RERE: variants seen among roughly 807,000 people sequenced by gnomAD.
The protein encoded by RERE is arginine-glutamic acid dipeptide repeats protein.
RERE carries 40 observed loss-of-function variants against 146.1 expected under a neutral mutation model. That is an observed-to-expected ratio of 0.27 (90% confidence interval 0.21 to 0.36). The LOEUF (loss-of-function observed/expected upper bound fraction) is 0.36. RERE is among the 10% of genes least tolerant of loss of function. RERE has a pLI of 1.00. For synonymous variants in RERE, 1,003 were observed against 866.0 expected (o/e 1.16, Z -2.78); for missense variants, 1,933 against 2,138.7 (o/e 0.90, Z 1.90).
At chr1:8,438,800 T>C (rs564256554) in intron 11 of RERE, among the ~76,000 whole-genome samples, 119 of 152,260 alleles carry the variant, frequency 7.8e-4, no homozygotes, top group Non-Finnish European at 1.2e-3. Flanking sequence ...AAAAAGGTAA[T>C]AATCCAACTA....
chr1:8,738,720 A>G (rs1640251408), intron 1 of RERE, among the ~76,000 whole-genome samples: 1 of 152,164 alleles, frequency 6.6e-6, no homozygotes, highest in Admixed American at 6.5e-5. Flanking sequence ...CACAAAAACC[A>G]TATGAATAAT....
intron 1 of RERE, among the ~76,000 whole-genome samples, chr1:8,739,209 T>C (rs1332305141): frequency 1.3e-5 from 2 of 152,134 alleles, no homozygotes; most frequent in South Asian, 2.1e-4. Flanking sequence ...TAACACAACA[T>C]ATAATTGCCA....
chr1:8,356,170 A>C lies in RERE; in HGVS notation c.4416T>G (p.Pro1472=). 2 of 1,521,638 alleles carry C rather than the reference A, an allele frequency of 1.3e-6. No homozygotes were observed. The highest frequency in any genetic ancestry group is 1.7e-6 in the Non-Finnish European group (2 of 1,144,606). 94.3% of individuals were successfully genotyped at this position (1,521,638 alleles called of 1,614,324 possible). The change falls in exon 21 of 23, where the codon CCT becomes CCG. Residue 1472 remains proline (P), a synonymous_variant. Transcript: ENST00000400908. The surrounding 1 kb of genome is among the most constrained non-coding windows in gnomAD (Gnocchi z 5.2). ...GPHLARFPYP[P]GTLPNPLLGQ... ...CAAGCAGAGGGTTGGGGAGAGTGCC[A>C]GGCGGGTAGGGGAAGCGAGCCAGGT...
At chr1:8,378,270 TCAGGC>T (rs1287542813) in intron 12 of RERE, among the ~76,000 whole-genome samples, 3 of 152,210 alleles carry the variant, frequency 2.0e-5, no homozygotes, top group Non-Finnish European at 4.4e-5. Context: ...TTAGAAAAAT[TCAGGC>T]AAGCCTGCAA....
intron 12 of RERE, among the ~76,000 whole-genome samples, chr1:8,371,971 G>C (rs889406420): frequency 1.3e-5 from 2 of 152,180 alleles, no homozygotes; most frequent in Non-Finnish European, 2.9e-5. Context: ...TTACCTGTGC[G>C]CATTTGGTAA....
chr1:8,597,523 A>G (rs1646569493), intron 4 of RERE, among the ~76,000 whole-genome samples: 1 of 152,232 alleles, frequency 6.6e-6, no homozygotes, highest in Non-Finnish European at 1.5e-5. Context: ...GGATTGGAAA[A>G]CAGAATGAAA....
At chr1:8,355,373 C>T (rs1248281772) in intron 22 of RERE, 46 bp downstream of exon 22, 14 of 1,594,340 alleles carry the variant, frequency 8.8e-6, no homozygotes, top group Non-Finnish European at 1.2e-5. Context: ...GGTTGGGAGC[C>T]TGGGCTCAGA....
intron 8 of RERE, among the ~76,000 whole-genome samples, chr1:8,505,913 G>A (rs998326968): frequency 6.6e-6 from 1 of 152,114 alleles, no homozygotes; most frequent in Non-Finnish European, 1.5e-5. Flanking sequence ...TGAAAATGAA[G>A]CACACAGAAT....
At chr1:8,808,759 A>G (rs138302244) in intron 1 of RERE, among the ~76,000 whole-genome samples, 1 of 152,306 alleles carries the variant, frequency 6.6e-6, no homozygotes, top group Non-Finnish European at 1.5e-5. Flanking sequence ...AAAGATATTC[A>G]AGGAGGCAAA....
At chr1:8,442,740 G>A (rs891716708) in intron 11 of RERE, among the ~76,000 whole-genome samples, 10 of 152,204 alleles carry the variant, frequency 6.6e-5, no homozygotes, top group African/African-American at 2.4e-4. Context: ...AGAGTTTGCA[G>A]GGCTCAGAAG....
rs6689883 is a variant in RERE at position 8,726,591 on chromosome 1, C to T, written c.-144-70150G>A. ...TCCAAAACTCACATTTCTACCAAAC[C>T]GGGACACCGTGTGGTGGGGAAAGAG... On this transcript the variant is annotated intron_variant, in intron 1 of 22. Coordinates refer to ENST00000400908, the MANE Select transcript of RERE (RefSeq NM_001042681.2). 2.6e-3 allele frequency among the ~76,000 whole-genome samples: 396 copies of T among 152,266 alleles called. 2 individuals carry two copies. Among genetic ancestry groups the T allele is most frequent in the African/African-American group, 9.0e-3 (374 of 41,534 alleles).
chr1:8,429,134 C>G (rs991078787), intron 11 of RERE, among the ~76,000 whole-genome samples: 7 of 152,236 alleles, frequency 4.6e-5, no homozygotes, highest in African/African-American at 1.4e-4. Flanking sequence ...CTTAAAGGCT[C>G]TAATGCACTA....
At chr1:8,507,569 C>T (rs1325865652) in intron 8 of RERE, among the ~76,000 whole-genome samples, 1 of 151,696 alleles carries the variant, frequency 6.6e-6, no homozygotes, top group Non-Finnish European at 1.5e-5. Context: ...CCACCATGAC[C>T]AGCTAATTTT....
chr1:8,488,538 G>A (rs1186874690), intron 10 of RERE, among the ~76,000 whole-genome samples: 2 of 152,046 alleles, frequency 1.3e-5, no homozygotes, highest in African/African-American at 2.4e-5. Flanking sequence ...GAGCCACTGC[G>A]CCTGCAAGAC....
At chr1:8,650,785 T>C (rs1222789360) in intron 2 of RERE, among the ~76,000 whole-genome samples, 2 of 151,914 alleles carry the variant, frequency 1.3e-5, no homozygotes, top group African/African-American at 2.4e-5. Context: ...TAATCCCAGC[T>C]ACTTATGAGG....
intron 1 of RERE, among the ~76,000 whole-genome samples, chr1:8,691,978 C>G (rs1639216887): frequency 6.6e-6 from 1 of 152,116 alleles, no homozygotes; most frequent in Non-Finnish European, 1.5e-5. Context: ...AGGACAGGAC[C>G]AAATCTTCTG....
In RERE at chr1:8,428,852, A is replaced by G. The variant is rs147849891; in HGVS notation, c.1204-6045T>C. Among the ~76,000 whole-genome samples, 1,242 of 152,310 alleles carry G rather than the reference A, an allele frequency of 8.2e-3. 13 individuals are homozygous for G. The highest frequency in any genetic ancestry group is 0.028 in the African/African-American group (1,184 of 41,572). ...AAAATGCATTAAATTAATGTGTTCA[A>G]AAGTTCCTCATGCTATTGCTTGAGC... is the stretch of plus-strand genomic sequence containing the variant. On this transcript the variant is annotated intron_variant, in intron 11 of 22. Transcript: ENST00000400908.
At chr1:8,367,117 AAG>A (rs1258668268) in intron 12 of RERE, among the ~76,000 whole-genome samples, 1 of 152,248 alleles carries the variant, frequency 6.6e-6, no homozygotes, top group South Asian at 2.1e-4. Context: ...AGGAGGCAAA[AAG>A]AGAGAGGGGA....
At chr1:8,466,700 T>G (rs1644602748) in intron 10 of RERE, among the ~76,000 whole-genome samples, 1 of 152,210 alleles carries the variant, frequency 6.6e-6, no homozygotes, top group South Asian at 2.1e-4. Flanking sequence ...GTATGCTAGT[T>G]TTTCAGTACA....
Sources: allele counts gnomAD v4.1 joint callset (sites outside exome capture counted in the v4.1 genomes callset), GRCh38; gene constraint gnomAD v4.1.1; non-coding constraint Gnocchi (gnomAD v3.1); transcripts MANE v1.5; gene names NCBI Gene and HGNC (gene_info 2026-07-23, HGNC 2026-07-21).